RTEL1: variants seen among roughly 807,000 people sequenced by gnomAD.
RTEL1 encodes the protein regulator of telomere length.
In RTEL1, 86 loss-of-function variants were observed where a neutral mutation model predicts 162.2. The ratio of observed to expected loss-of-function variants is 0.53; its 90% CI spans 0.45 to 0.63. RTEL1 has a LOEUF of 0.63. RTEL1 is among the 30% of genes least tolerant of loss of function. The probability of loss-of-function intolerance (pLI) is 0.00; values close to 1 mark genes in which losing one functional copy is unlikely to be tolerated. For missense variants in RTEL1, 1,941 were observed against 1,750.2 expected, an observed-to-expected ratio of 1.11 and a Z score of -1.95; for synonymous variants, 958 against 717.9, an observed-to-expected ratio of 1.33 and a Z score of -5.35.
chr20:63,681,870 A>G, intron 14 of RTEL1: 1 of 985,370 alleles, frequency 1.0e-6, no homozygotes, highest in Non-Finnish European at 1.2e-6. Context: ...CACGGTGGGC[A>G]TCCCAGGCCC....
rs148080505 is a variant in RTEL1, at chr20:63,689,578, T to A, written c.1955T>A (p.Met652Lys). ...IVTGLPYPPR[M>K]DPRVVLKMQF... ...ACGGGCCTCCCGTACCCCCCACGCA[T>A]GGACCCCCGGGTTGTCCTCAAGATG... Residue 652 changes from methionine to lysine, a missense_variant, in exon 23 of 35, where the codon ATG (methionine) becomes AAG (lysine). Coordinates refer to ENST00000360203, the MANE Select transcript of RTEL1 (RefSeq NM_001283009.2). 3.1e-6 allele frequency: 5 copies of A among 1,612,200 alleles called. No individual in the cohort carries two copies. Among genetic ancestry groups the A allele is most frequent in the Non-Finnish European group, 4.2e-6 (5 of 1,179,772 alleles).
chr20:63,683,469 CCTT>C (rs1455964332), intron 14 of RTEL1, among the ~76,000 whole-genome samples: 12 of 152,366 alleles, frequency 7.9e-5, no homozygotes, highest in South Asian at 6.2e-4. Flanking sequence ...ATTTCTCTCT[CCTT>C]CTGTGCGTAC....
In RTEL1 at chr20:63,661,827, T is replaced by C; in HGVS notation, c.302-23T>C. On this transcript the variant is annotated intron_variant, in intron 3 of 34. Transcript: ENST00000360203. The surrounding 1 kb of genome is among the most constrained non-coding windows in gnomAD (Gnocchi z 5.1). ...AACGTTGTCTGAGAACCGTGACTTCTGTGCTTGCTTGTGTCTGGTCAGCTT... is the reference window on the plus strand; with the variant it reads ...AACGTTGTCTGAGAACCGTGACTTCCGTGCTTGCTTGTGTCTGGTCAGCTT... 1 of 1,606,206 alleles carries C rather than the reference T, an allele frequency of 6.2e-7. No individual in the cohort carries two copies. The highest frequency in any genetic ancestry group is 8.5e-7 in the Non-Finnish European group (1 of 1,172,788).
chr20:63,683,873 C>CTGTAAGT (rs2090530554), intron 14 of RTEL1, among the ~76,000 whole-genome samples: 1 of 152,094 alleles, frequency 6.6e-6, no homozygotes, highest in African/African-American at 2.4e-5. Flanking sequence ...TACATATACT[C>CTGTAAGT]TCTGTAAGTT....
At position 63,695,610 on chromosome 20, in the gene RTEL1, A is replaced by G; in HGVS notation, c.3782A>G (p.Asp1261Gly). The part of the protein sequence containing the change: ...DVVPFQCPAC[D>G]FQRCQACWQR... ...GTGCCCTTCCAGTGCCCTGCCTGTG[A>G]CTTCCAGCGCTGCCAAGCCTGCTGG... is the stretch of plus-strand genomic sequence containing the variant. Residue 1261 changes from aspartate (D) to glycine (G), a missense_variant, in exon 34 of 35, where the codon GAC becomes GGC. Transcript: ENST00000360203. The G allele has an allele frequency of 1.2e-6, 2 of 1,611,808 alleles. No individual in the cohort carries two copies. The highest frequency in any genetic ancestry group is 1.3e-5 in the African/African-American group (1 of 75,020).
chr20:63,689,428 G>T, intron 22 of RTEL1, 74 bp from the exon 23 acceptor site: 1 of 1,443,950 alleles, frequency 6.9e-7, no homozygotes. Flanking sequence ...CTCGGGGAAG[G>T]TGGCTGGGCT....
At chr20:63,677,291 G>A (rs1392755966) in intron 10 of RTEL1, among the ~76,000 whole-genome samples, 7 of 152,186 alleles carry the variant, frequency 4.6e-5, no homozygotes, top group South Asian at 4.1e-4. Flanking sequence ...ACAGCCATAC[G>A]CACAGGTGTG....
At chr20:63,677,368 A>T (rs549358710) in intron 10 of RTEL1, among the ~76,000 whole-genome samples, 44 of 152,330 alleles carry the variant, frequency 2.9e-4, no homozygotes, top group Non-Finnish European at 4.1e-4. Context: ...TAATCCCAGC[A>T]CTTTGGGAGA....
At chr20:63,693,666 A>T (rs535926655) in intron 30 of RTEL1, among the ~76,000 whole-genome samples, 96 of 54,616 alleles carry the variant, frequency 1.8e-3, no homozygotes, top group East Asian at 4.3e-3. Flanking sequence ...CACCACCTCC[A>T]CCACCACCAC....
intron 4 of RTEL1, chr20:63,662,268 C>T (rs2090034977): frequency 3.1e-6 from 2 of 646,370 alleles, no homozygotes; most frequent in Non-Finnish European, 5.5e-6. Flanking sequence ...AGGAGGAGGC[C>T]CTGCTGCTTG....
intron 9 of RTEL1, among the ~76,000 whole-genome samples, chr20:63,672,953 C>A (rs2090275410): frequency 1.3e-5 from 2 of 152,230 alleles, no homozygotes; most frequent in Admixed American, 1.3e-4. Context: ...GGCTTGTGGT[C>A]TTGCCTGCAG....
At chr20:63,677,336 G>A (rs1214881617) in intron 10 of RTEL1, among the ~76,000 whole-genome samples, 1 of 152,184 alleles carries the variant, frequency 6.6e-6, no homozygotes, top group Non-Finnish European at 1.5e-5. Context: ...CAAACACCCG[G>A]CCAGGCATAA....
chr20:63,692,500 G>C (rs2090773459), intron 28 of RTEL1: 1 of 461,630 alleles, frequency 2.2e-6, no homozygotes, highest in Non-Finnish European at 4.0e-6. Flanking sequence ...GGGCTTGAGG[G>C]AGGAGGAGAG....
chr20:63,690,898 C>T lies in RTEL1; in HGVS notation c.2507C>T (p.Ala836Val). 1.3e-6 allele frequency: 2 copies of T among 1,582,508 alleles called. No individual in the cohort carries two copies. Among genetic ancestry groups the T allele is most frequent in the Non-Finnish European group, 1.7e-6 (2 of 1,165,034 alleles). ...PARQRPRGLLAALEHSEQRAG... is the reference protein window; with the variant it reads ...PARQRPRGLLVALEHSEQRAG... ...CGGCAGAGGCCCAGGGGGCTGCTGG[C>T]CGCCCTGGAGCACAGCGAACAGCGG... The change falls in exon 27 of 35, where the codon GCC (alanine) becomes GTC (valine). Residue 836 changes from alanine to valine, a missense_variant. By Grantham distance (64) the Ala-to-Val change is moderately conservative (BLOSUM62 0). Transcript: ENST00000360203.
At chr20:63,685,667 T>G in intron 15 of RTEL1, 70 bp downstream of exon 15, 1 of 1,588,498 alleles carries the variant, frequency 6.3e-7, no homozygotes, top group Non-Finnish European at 8.6e-7. Context: ...GGCCTTACAG[T>G]CCTATAAGGT....
Position 63,659,202 on chromosome 20 carries a change from T to G in RTEL1, c.-170-31T>G, listed in dbSNP as rs184263470. The G allele has an allele frequency of 6.7e-6, 4 of 593,416 alleles. No individual in the cohort carries two copies. In the Admixed American group the frequency reaches 1.1e-4, roughly 16 times the overall value. The allele number at this position is 593,416 out of a possible 1,614,324, so 36.8% of individuals were successfully genotyped here. ...AGTAGCCCGGTACCCACAAAGGCTG[T>G]CTACAAACAGAGTCTTACTGTCTTT... On this transcript the variant is annotated intron_variant, in intron 1 of 34. Transcript: ENST00000360203.
rs954545020 is a variant in RTEL1 at position 63,659,559 on chromosome 20, C to T, written c.102+55C>T. The T allele has an allele frequency of 3.7e-6, 5 of 1,342,136 alleles. No individual in the cohort carries two copies. The African/African-American group carries it at 5.8e-5, about 15-fold the overall frequency. 83.1% of individuals were successfully genotyped at this position (1,342,136 alleles called of 1,614,324 possible). ...CGGGTGGGTGGAGCTTCAGCCAGGA[C>T]GGGGTGTGCTTCCCTCTCCCGGCCC... On this transcript the variant is annotated intron_variant, in intron 2 of 34. Transcript: ENST00000360203.
Position 63,689,510 on chromosome 20 carries a change from G to A in RTEL1, c.1887G>A (p.Glu629=), listed in dbSNP as rs1452035267. The A allele has an allele frequency of 4.4e-6, 7 of 1,601,830 alleles. No homozygotes were observed. The highest frequency in any genetic ancestry group is 6.0e-6 in the Non-Finnish European group (7 of 1,175,032). ...CCTGGTGTGTCCCCTAGGCCAGCGA[G>A]GGGCTGGACTTCTCAGACACGAATG... ...FLAVCRGKAS[E]GLDFSDTNGR... The change falls in exon 23 of 35, where the codon GAG becomes GAA. Residue 629 remains glutamate, a synonymous_variant. Transcript: ENST00000360203.
intron 26 of RTEL1, 53 bp from the exon 27 acceptor site, chr20:63,690,751 GA>G: frequency 6.5e-7 from 1 of 1,538,692 alleles, no homozygotes; most frequent in Non-Finnish European, 8.8e-7. Context: ...CACAGGCAGG[GA>G]CCCCAGCTGG....
Sources: allele counts gnomAD v4.1 joint callset (sites outside exome capture counted in the v4.1 genomes callset), GRCh38; gene constraint gnomAD v4.1.1; non-coding constraint Gnocchi (gnomAD v3.1); transcripts MANE v1.5; gene names NCBI Gene and HGNC (gene_info 2026-07-23, HGNC 2026-07-21).